Variants in SRGAP3 observed in about 807,000 individuals in gnomAD.
SRGAP3 encodes the protein SLIT-ROBO Rho GTPase activating protein 3.
Under a neutral mutation model 121.1 loss-of-function variants are expected in SRGAP3, and 39 were observed. That is an observed-to-expected ratio of 0.32 (90% CI 0.25 to 0.42). The LOEUF is 0.42. Ranked by LOEUF, SRGAP3 falls within the 10% of genes least tolerant of loss-of-function variation. SRGAP3 has a pLI of 1.00. For synonymous variants in SRGAP3, 601 were observed against 570.0 expected, an observed-to-expected ratio of 1.05 and a Z score of -0.77; for missense variants, 1,213 against 1,470.6, an observed-to-expected ratio of 0.82 and a Z score of 2.86.
intron 3 of SRGAP3, among the ~76,000 whole-genome samples, chr3:9,306,417 A>G (rs957084823): frequency 3.9e-5 from 6 of 152,156 alleles, no homozygotes; most frequent in African/African-American, 1.4e-4. Context: ...CTTTAGTTTA[A>G]TTAGATCCCA....
chr3:9,303,200 A>G (rs1365553911), intron 3 of SRGAP3, among the ~76,000 whole-genome samples: 1 of 152,090 alleles, frequency 6.6e-6, no homozygotes, highest in Non-Finnish European at 1.5e-5. Context: ...CTAGGCGGGC[A>G]GATTACTTGA....
chr3:9,251,476 G>A (rs910136922), upstream of SRGAP3, among the ~76,000 whole-genome samples: 1 of 152,146 alleles, frequency 6.6e-6, no homozygotes, highest in Non-Finnish European at 1.5e-5. Flanking sequence ...TGCAAGTCTA[G>A]ATTCTTCAAG....
chr3:9,100,942 C>A (rs1948193080), intron 3 of SRGAP3, among the ~76,000 whole-genome samples: 1 of 152,204 alleles, frequency 6.6e-6, no homozygotes, highest in South Asian at 2.1e-4. Flanking sequence ...TGGAAGGAAC[C>A]TGGGACATCT....
intron 11 of SRGAP3, chr3:9,034,933 T>C (rs1944674550): frequency 6.6e-6 from 1 of 152,208 alleles, no homozygotes; most frequent in South Asian, 2.1e-4. Context: ...CATTCCCAGA[T>C]CATTTCCTTA....
chr3:9,268,748 C>A (rs773697494), intron 3 of SRGAP3, among the ~76,000 whole-genome samples: 50 of 152,248 alleles, frequency 3.3e-4, no homozygotes, highest in Middle Eastern at 3.4e-3. Context: ...CAATCAATAA[C>A]TGATACATCA....
intron 18 of SRGAP3, among the ~76,000 whole-genome samples, chr3:9,003,569 T>A (rs1186595434): frequency 6.6e-6 from 1 of 152,216 alleles, no homozygotes; most frequent in African/African-American, 2.4e-5. Flanking sequence ...ACAAGTGGAA[T>A]TTATCCCAGG....
intron 1 of SRGAP3, among the ~76,000 whole-genome samples, chr3:9,233,170 CCA>C (rs1267579139): frequency 6.6e-6 from 1 of 152,122 alleles, no homozygotes; most frequent in Admixed American, 6.5e-5. Flanking sequence ...AATTAATTAC[CCA>C]CACACACAGT....
intron 1 of SRGAP3, among the ~76,000 whole-genome samples, chr3:9,203,209 C>T (rs1679250663): frequency 6.6e-6 from 1 of 152,152 alleles, no homozygotes. Context: ...CCAGCTATGT[C>T]CCTGCAGCTG....
chr3:9,175,097 C>T (rs968298033), intron 1 of SRGAP3, among the ~76,000 whole-genome samples: 1 of 152,176 alleles, frequency 6.6e-6, no homozygotes, highest in East Asian at 1.9e-4. Flanking sequence ...GTCAGCCAAA[C>T]ACCTAGGAGG....
intron 21 of SRGAP3, among the ~76,000 whole-genome samples, chr3:8,989,294 T>TG (rs927044546): frequency 2.6e-5 from 4 of 152,096 alleles, no homozygotes; most frequent in East Asian, 1.9e-4. Context: ...TCCTCAAGTA[T>TG]GGGGGGGACC....
intron 1 of SRGAP3, among the ~76,000 whole-genome samples, chr3:9,165,283 C>T (rs1298199258): frequency 6.6e-6 from 1 of 152,222 alleles, no homozygotes; most frequent in Admixed American, 6.5e-5. Context: ...GCCAGCAAGT[C>T]AGGCAGCCAT....
chr3:9,176,323 C>G lies in SRGAP3; in HGVS notation c.68-51406G>C, dbSNP rs112108859. Among the ~76,000 whole-genome samples the G allele has an allele frequency of 2.5e-3, 379 of 152,306 alleles. 6 individuals are homozygous for G. The highest frequency in any genetic ancestry group is 8.6e-3 in the African/African-American group (358 of 41,568). On this transcript the variant is annotated intron_variant, in intron 1 of 21. Transcript: ENST00000383836. The stretch of plus-strand genomic sequence containing the variant: ...GCTATGATGAGATGGCATGAAAATG[C>G]ATATGAAGGGCCTCATAGGGTACCT...
intron 1 of SRGAP3, among the ~76,000 whole-genome samples, chr3:9,148,199 G>A (rs1482359067): frequency 6.6e-6 from 1 of 152,144 alleles, no homozygotes; most frequent in African/African-American, 2.4e-5. Context: ...GGATGAGGGC[G>A]GAGATGCCTG....
In SRGAP3 at chr3:9,057,610, G is replaced by T. The variant is rs189508524; in HGVS notation, c.1023+641C>A. Among the ~76,000 whole-genome samples, 276 of 152,296 alleles carry T rather than the reference G, an allele frequency of 1.8e-3. 5 individuals carry two copies. Among genetic ancestry groups the T allele is most frequent in the African/African-American group, 6.4e-3 (265 of 41,568 alleles). The stretch of plus-strand genomic sequence containing the variant: ...CTCACTGGGACCCAGAGGCTGGCTG[G>T]GTCTGGGACACTGTTGGAGTGGGTT... On this transcript the variant is annotated intron_variant, in intron 7 of 21. Transcript: ENST00000383836.
chr3:9,025,769 A>G (rs1283351144), intron 13 of SRGAP3, among the ~76,000 whole-genome samples: 1 of 152,164 alleles, frequency 6.6e-6, no homozygotes, highest in African/African-American at 2.4e-5. Flanking sequence ...TATACATGAC[A>G]TGACAGTAAT....
intron 1 of SRGAP3, among the ~76,000 whole-genome samples, chr3:9,163,519 G>A (rs1280639740): frequency 1.3e-5 from 2 of 152,210 alleles, no homozygotes; most frequent in Admixed American, 6.5e-5. Context: ...GCTCATCACT[G>A]AAGTGGGGCT....
chr3:8,994,218 G>T, intron 19 of SRGAP3, 125 bp downstream of exon 19: 2 of 1,249,390 alleles, frequency 1.6e-6, no homozygotes, highest in Non-Finnish European at 2.3e-6. Context: ...TGTTAGAGAA[G>T]AACAAGCGTA....
chr3:9,023,873 C>G (rs1171468748), intron 14 of SRGAP3, among the ~76,000 whole-genome samples: 1 of 152,116 alleles, frequency 6.6e-6, no homozygotes, highest in African/African-American at 2.4e-5. Flanking sequence ...GACATGCAGC[C>G]AAATCTCATT....
chr3:9,260,330 G>A (rs557740685), intron 3 of SRGAP3, among the ~76,000 whole-genome samples: 65 of 152,266 alleles, frequency 4.3e-4, no homozygotes, highest in South Asian at 1.2e-3. Context: ...GGGGGCTGAA[G>A]ACAGGGAGCC....
Sources: allele counts gnomAD v4.1 joint callset (sites outside exome capture counted in the v4.1 genomes callset), GRCh38; gene constraint gnomAD v4.1.1; transcripts MANE v1.5; gene names NCBI Gene and HGNC (gene_info 2026-07-23, HGNC 2026-07-21).